RAB8B: variants seen among roughly 807,000 people sequenced by gnomAD.
RAB8B encodes ras-related protein Rab-8B.
RAB8B carries 11 observed loss-of-function variants against 32.0 expected under a neutral mutation model. That is an observed-to-expected ratio of 0.34 (90% CI 0.22 to 0.57). The LOEUF (loss-of-function observed/expected upper bound fraction) is 0.57, where lower values mean the gene tolerates loss of function less well. Ranked by LOEUF, RAB8B falls within the 20% of genes least tolerant of loss-of-function variation. The probability of loss-of-function intolerance (pLI) is 0.86; values close to 1 mark genes in which losing one functional copy is unlikely to be tolerated. For missense variants in RAB8B, 190 were observed against 258.5 expected, an observed-to-expected ratio of 0.73 and a Z score of 1.82; for synonymous variants, 103 against 89.6, an observed-to-expected ratio of 1.15 and a Z score of -0.85.
At chr15:63,251,124 C>G (rs1296056628) in intron 3 of RAB8B, among the ~76,000 whole-genome samples, 2 of 151,908 alleles carry the variant, frequency 1.3e-5, no homozygotes, top group Non-Finnish European at 2.9e-5. Context: ...ATTTGTTCCC[C>G]ACACTCCACC....
At chr15:63,198,007 G>A (rs771348142) in intron 1 of RAB8B, among the ~76,000 whole-genome samples, 2 of 152,170 alleles carry the variant, frequency 1.3e-5, no homozygotes, top group Non-Finnish European at 2.9e-5. Context: ...ATTAGATATA[G>A]TATGTCTGGA....
At chr15:63,189,838 C>T (rs558491497) in intron 1 of RAB8B, 90 bp downstream of exon 1, 2 of 1,294,876 alleles carry the variant, frequency 1.5e-6, no homozygotes, top group African/African-American at 3.3e-5. Flanking sequence ...CTTGGGAGCC[C>T]GGGAGAGGAG....
chr15:63,230,839 G>T (rs948264829), intron 1 of RAB8B, among the ~76,000 whole-genome samples: 3 of 152,152 alleles, frequency 2.0e-5, no homozygotes, highest in African/African-American at 4.8e-5. Context: ...AGGACTACAG[G>T]CATGTGCCAC....
At chr15:63,262,647 A>G in intron 6 of RAB8B, 45 bp from the exon 7 acceptor site, 1 of 638,316 alleles carries the variant, frequency 1.6e-6, no homozygotes, top group South Asian at 2.8e-5. Flanking sequence ...ATATACATAT[A>G]TATAGTGAAT....
chr15:63,202,477 A>G (rs2037661198), intron 1 of RAB8B, among the ~76,000 whole-genome samples: 1 of 152,186 alleles, frequency 6.6e-6, no homozygotes, highest in South Asian at 2.1e-4. Flanking sequence ...TCAGGCCCTT[A>G]GGAAGCAATC....
intron 1 of RAB8B, among the ~76,000 whole-genome samples, chr15:63,218,143 C>G (rs778526555): frequency 2.6e-5 from 4 of 151,920 alleles, no homozygotes; most frequent in Non-Finnish European, 5.9e-5. Context: ...AAAAGAAATG[C>G]ACCAATGGGA....
At chr15:63,204,963 G>C (rs1284458947) in intron 1 of RAB8B, among the ~76,000 whole-genome samples, 2 of 152,036 alleles carry the variant, frequency 1.3e-5, no homozygotes, top group Admixed American at 1.3e-4. Flanking sequence ...TTAGAGACCA[G>C]CCTAGGCAGC....
At chr15:63,214,290 T>C (rs866621779) in intron 1 of RAB8B, among the ~76,000 whole-genome samples, 32 of 137,686 alleles carry the variant, frequency 2.3e-4, no homozygotes, top group East Asian at 6.7e-4. Context: ...TTCTTTCTTT[T>C]TTTTTTTTTT....
At chr15:63,207,695 G>A (rs371307869) in intron 1 of RAB8B, among the ~76,000 whole-genome samples, 4 of 152,026 alleles carry the variant, frequency 2.6e-5, no homozygotes, top group East Asian at 3.9e-4. Context: ...GAGTAGCTGG[G>A]ACTACAGGTG....
chr15:63,223,022 T>A (rs1306567924), intron 1 of RAB8B: 15 of 455,964 alleles, frequency 3.3e-5, no homozygotes, highest in Non-Finnish European at 6.2e-5. Flanking sequence ...CACTCATCAC[T>A]CTCTCATTGA....
intron 1 of RAB8B, among the ~76,000 whole-genome samples, chr15:63,213,954 G>A (rs531303763): frequency 3.9e-5 from 6 of 152,118 alleles, no homozygotes; most frequent in African/African-American, 1.4e-4. Flanking sequence ...TGTGGCATGT[G>A]TCTGTAATCC....
chr15:63,234,062 A>G (rs1016077225), intron 1 of RAB8B, among the ~76,000 whole-genome samples: 3 of 152,162 alleles, frequency 2.0e-5, no homozygotes, highest in Non-Finnish European at 4.4e-5. Flanking sequence ...ACCTTAGTTG[A>G]AGGTCCCTGA....
intron 1 of RAB8B, among the ~76,000 whole-genome samples, chr15:63,216,381 A>G (rs1197857639): frequency 1.3e-5 from 2 of 151,372 alleles, no homozygotes; most frequent in South Asian, 2.1e-4. Flanking sequence ...GGCGCACACC[A>G]TAACACCCGG....
chr15:63,192,343 G>A (rs2037562945), intron 1 of RAB8B, among the ~76,000 whole-genome samples: 1 of 152,220 alleles, frequency 6.6e-6, no homozygotes, highest in Admixed American at 6.5e-5. Context: ...TAGATTTTGA[G>A]TGTTGACATC....
chr15:63,197,368 T>G (rs2037610529), intron 1 of RAB8B, among the ~76,000 whole-genome samples: 2 of 137,064 alleles, frequency 1.5e-5, no homozygotes, highest in South Asian at 4.8e-4. Flanking sequence ...TTTCTTTCTT[T>G]TCTTTTTTTT....
chr15:63,194,233 A>G (rs1209890827), intron 1 of RAB8B, among the ~76,000 whole-genome samples: 1 of 152,244 alleles, frequency 6.6e-6, no homozygotes, highest in Non-Finnish European at 1.5e-5. Context: ...GACACCCTCA[A>G]AATTACACAG....
At chr15:63,253,289 G>A (rs1189137613) in intron 3 of RAB8B, among the ~76,000 whole-genome samples, 1 of 151,806 alleles carries the variant, frequency 6.6e-6, no homozygotes, top group Non-Finnish European at 1.5e-5. Context: ...TTCTGTTAAC[G>A]TTTTATTTCA....
rs753142491 is a variant in RAB8B, at chr15:63,265,979, G to T, written c.*2360G>T. On this transcript the variant is annotated 3_prime_UTR_variant, in exon 8 of 8. Transcript: ENST00000321437. This position sits in a 1 kb window ranked among gnomAD's most constrained non-coding sequence, Gnocchi z 4.9. ...AGCTTTGCTAGATTGTATATACATT[G>T]AGCTAAGACCTTAGGAAATTCACTT... 2.2e-4 allele frequency: 33 copies of T among 152,588 alleles called. No individual in the cohort carries two copies. The highest frequency in any genetic ancestry group is 4.2e-4 in the South Asian group (2 of 4,816). The allele number at this position is 152,588 out of a possible 1,614,324, so 9.5% of individuals were successfully genotyped here.
chr15:63,235,814 C>G (rs1450880113), intron 1 of RAB8B, among the ~76,000 whole-genome samples: 1 of 151,956 alleles, frequency 6.6e-6, no homozygotes, highest in African/African-American at 2.4e-5. Context: ...TTAGATTCAT[C>G]TATGTTGATA....
Sources: allele counts gnomAD v4.1 joint callset (sites outside exome capture counted in the v4.1 genomes callset), GRCh38; gene constraint gnomAD v4.1.1; non-coding constraint Gnocchi (gnomAD v3.1); transcripts MANE v1.5; gene names NCBI Gene and HGNC (gene_info 2026-07-23, HGNC 2026-07-21).